Variants in MCTP2 observed in about 807,000 individuals in gnomAD.
The protein encoded by MCTP2 is multiple C2 and transmembrane domain containing 2, also known as multiple C2 and transmembrane domain-containing protein 2.
A neutral mutation model predicts 111.6 loss-of-function variants in MCTP2; 132 were observed. The observed-to-expected ratio is 1.18, with a 90% CI of 1.03 to 1.37. The LOEUF (loss-of-function observed/expected upper bound fraction) is 1.37, where lower values mean the gene tolerates loss of function less well. Ranked by LOEUF, MCTP2 falls within the 40% of genes most tolerant of loss-of-function variation. The probability of loss-of-function intolerance (pLI) is 0.00; values close to 1 mark genes in which losing one functional copy is unlikely to be tolerated. For missense variants in MCTP2, 1,183 were observed against 1,067.9 expected (o/e 1.11, Z -1.50); for synonymous variants, 395 against 387.7 (o/e 1.02, Z -0.22).
chr15:94,282,466 T>G (rs917186163), intron 1 of MCTP2, among the ~76,000 whole-genome samples: 3 of 152,230 alleles, frequency 2.0e-5, no homozygotes, highest in Non-Finnish European at 2.9e-5. Context: ...TTCCTTGGAT[T>G]GAATTTCAGC....
Position 94,356,279 on chromosome 15 carries a change from G to A in MCTP2, c.1148G>A (p.Gly383Glu), listed in dbSNP as rs2078619745. The change falls in exon 9 of 23, where the codon GGA becomes GAA. Residue 383 changes from glycine to glutamate, a missense_variant. Coordinates refer to ENST00000357742, the MANE Select transcript of MCTP2 (RefSeq NM_001385001.1). ...GAGATGTTTGTCCAGTTAAAACTGG[G>A]AGATCAGAGGTATAAAAGTAAGGTA... ...MTEMFVQLKLGDQRYKSKTLC... is the reference protein window; with the variant it reads ...MTEMFVQLKLEDQRYKSKTLC... The A allele has an allele frequency of 1.9e-6, 3 of 1,609,402 alleles. No individual in the cohort carries two copies. Among genetic ancestry groups the A allele is most frequent in the African/African-American group, 2.7e-5 (2 of 74,830 alleles).
rs201208374 is a variant in MCTP2, at chr15:94,384,232, GT to G, written c.1685+115del. On this transcript the variant is annotated intron_variant, in intron 13 of 22. Coordinates refer to ENST00000357742, the MANE Select transcript of MCTP2 (RefSeq NM_001385001.1). ...TTATGGGCAAAGAGTAAATTTTATTGTTTTTTTCTTTTGAAAACCTTGTATC... is the reference window on the plus strand; with the variant it reads ...TTATGGGCAAAGAGTAAATTTTATTGTTTTTTCTTTTGAAAACCTTGTATC... 3,182 of 689,490 alleles carry G rather than the reference GT, an allele frequency of 4.6e-3. 13 individuals are homozygous for G. Among genetic ancestry groups the G allele is most frequent in the Non-Finnish European group, 6.4e-3 (2,635 of 410,246 alleles). The allele number at this position is 689,490 out of a possible 1,614,324, so 42.7% of individuals were successfully genotyped here.
chr15:94,249,488 C>CTT (rs58538119), intron 1 of MCTP2, among the ~76,000 whole-genome samples: 5 of 142,790 alleles, frequency 3.5e-5, no homozygotes, highest in African/African-American at 5.1e-5. Context: ...GTCTCAGAAT[C>CTT]TTTTTTTTTT....
intron 1 of MCTP2, among the ~76,000 whole-genome samples, chr15:94,248,084 A>G (rs1468995794): frequency 6.6e-6 from 1 of 152,174 alleles, no homozygotes; most frequent in African/African-American, 2.4e-5. Context: ...AGATTATGAC[A>G]TGGAGGTACT....
At chr15:94,335,915 G>A (rs573543488) in intron 4 of MCTP2, among the ~76,000 whole-genome samples, 5 of 152,000 alleles carry the variant, frequency 3.3e-5, no homozygotes, top group East Asian at 3.9e-4. Flanking sequence ...ATGAGAATCC[G>A]CGAAGAGTAC....
At chr15:94,443,034 GTCTC>G (rs549610141) in intron 19 of MCTP2, 74 bp downstream of exon 19, 802 of 1,069,238 alleles carry the variant, frequency 7.5e-4, no homozygotes, top group Admixed American at 1.8e-3. Context: ...TTCAGGTTGA[GTCTC>G]TCTCCTCTCT....
chr15:94,232,172 T>A lies in MCTP2; in HGVS notation c.-66+508T>A, dbSNP rs140846092. On this transcript the variant is annotated intron_variant, in intron 1 of 22. Coordinates refer to ENST00000357742, the MANE Select transcript of MCTP2 (RefSeq NM_001385001.1). ...CTCAATCCCACTGAAGATAAGTAAG[T>A]TAAAAATAAAGACAGTGATGTTGGT... Among the ~76,000 whole-genome samples, 142 of 152,308 alleles carry A rather than the reference T, an allele frequency of 9.3e-4. 1 individual carries two copies. Among genetic ancestry groups the A allele is most frequent in the African/African-American group, 3.3e-3 (139 of 41,562 alleles).
At chr15:94,458,013 T>A (rs1029872882) in intron 19 of MCTP2, 124 bp from the exon 20 acceptor site, 3 of 606,226 alleles carry the variant, frequency 4.9e-6, no homozygotes, top group African/African-American at 3.7e-5. Context: ...TGTAAAACAA[T>A]GATTTATCTC....
chr15:94,388,202 C>T (rs2080631287), intron 14 of MCTP2, among the ~76,000 whole-genome samples: 1 of 152,152 alleles, frequency 6.6e-6, no homozygotes, highest in South Asian at 2.1e-4. Context: ...TGTGTACATC[C>T]AGGAATAACC....
chr15:94,396,100 C>A (rs181807510), intron 14 of MCTP2, among the ~76,000 whole-genome samples: 60 of 152,236 alleles, frequency 3.9e-4, no homozygotes, highest in Admixed American at 3.7e-3. Context: ...TGTAGTAAGT[C>A]AATTTGAAGA....
intron 17 of MCTP2, among the ~76,000 whole-genome samples, chr15:94,408,213 A>C (rs7168972): frequency 0.02 from 2,992 of 152,258 alleles, 99 homozygotes; most frequent in African/African-American, 0.069. Context: ...ATCGCTGCCC[A>C]TTTGCTAGGT....
intron 8 of MCTP2, among the ~76,000 whole-genome samples, chr15:94,346,318 C>T (rs989673983): frequency 3.3e-5 from 5 of 152,040 alleles, no homozygotes; most frequent in South Asian, 4.1e-4. Flanking sequence ...GTCTTGTTAC[C>T]GTATGAGTTC....
intron 1 of MCTP2, among the ~76,000 whole-genome samples, chr15:94,277,943 G>A (rs914754728): frequency 6.6e-6 from 1 of 150,704 alleles, no homozygotes; most frequent in African/African-American, 2.5e-5. Flanking sequence ...ATGGACAGAG[G>A]TAGTATATAG....
In MCTP2 at chr15:94,385,526, G is replaced by A. The variant is rs200626556; in HGVS notation, c.1788+1G>A. On this transcript the variant is annotated splice_donor_variant, in intron 14 of 22. Coordinates refer to ENST00000357742, the MANE Select transcript of MCTP2 (RefSeq NM_001385001.1). LOFTEE classifies it high-confidence loss of function. The stretch of plus-strand genomic sequence containing the variant: ...AAAAGTTGCCATTCCCTTGCTGTCC[G>A]TAAGTTTCCTTTATTAATAAACAAT... 156 of 1,596,048 alleles carry A rather than the reference G, an allele frequency of 9.8e-5. No homozygotes were observed. The highest frequency in any genetic ancestry group is 6.9e-4 in the South Asian group (63 of 90,706).
intron 1 of MCTP2, among the ~76,000 whole-genome samples, chr15:94,292,384 A>T (rs1165027212): frequency 6.6e-6 from 1 of 152,208 alleles, no homozygotes; most frequent in Admixed American, 6.5e-5. Context: ...TATGAAGAAG[A>T]CCTAAAGGAA....
At chr15:94,476,283 T>G in intron 21 of MCTP2, 1 of 156,120 alleles carries the variant, frequency 6.4e-6, no homozygotes, top group South Asian at 1.9e-4. Context: ...GGGACATTTG[T>G]TTTCATAGCA....
At chr15:94,328,499 C>A (rs1213369091) in intron 4 of MCTP2, among the ~76,000 whole-genome samples, 1 of 152,152 alleles carries the variant, frequency 6.6e-6, no homozygotes, top group Non-Finnish European at 1.5e-5. Flanking sequence ...GTATTTGTTT[C>A]ATTGTCTGTA....
At chr15:94,444,000 A>AAAAAC (rs2083964360) in intron 19 of MCTP2, among the ~76,000 whole-genome samples, 1 of 149,844 alleles carries the variant, frequency 6.7e-6, no homozygotes, top group South Asian at 2.1e-4. Context: ...AAAAAAAAAA[A>AAAAAC]AAAAAACAGA....
In MCTP2 at chr15:94,367,583, T is replaced by G. The variant is rs200940493; in HGVS notation, c.1302-22T>G. 17 of 1,596,872 alleles carry G rather than the reference T, an allele frequency of 1.1e-5. No individual in the cohort carries two copies. The African/African-American group carries it at 2.2e-4, about 20-fold the overall frequency. On this transcript the variant is annotated intron_variant, in intron 10 of 22. Coordinates refer to ENST00000357742, the MANE Select transcript of MCTP2 (RefSeq NM_001385001.1). ...CTTGAATTAATCACTTTTCTCTCTCTTGATTCCTGAAACTTTTCTAGGTGT... is the reference window on the plus strand; with the variant it reads ...CTTGAATTAATCACTTTTCTCTCTCGTGATTCCTGAAACTTTTCTAGGTGT...
Sources: gnomAD v4.1 joint callset for allele counts (sites outside exome capture counted in the v4.1 genomes callset) on GRCh38, gnomAD v4.1.1 for gene constraint, MANE v1.5 for transcripts, NCBI Gene and HGNC (gene_info 2026-07-23, HGNC 2026-07-21) for gene names.